TENM3: variants seen among roughly 807,000 people sequenced by gnomAD.
TENM3 encodes the protein teneurin-3.
TENM3 carries 63 observed loss-of-function variants against 255.1 expected under a neutral mutation model. The ratio of observed to expected loss-of-function variants is 0.25; its 90% CI spans 0.20 to 0.30. The LOEUF is 0.30. Among genes scored for constraint, TENM3 ranks in the 10% least tolerant of loss-of-function variants. The probability of loss-of-function intolerance (pLI) is 1.00; values close to 1 mark genes in which losing one functional copy is unlikely to be tolerated. For missense variants in TENM3, 2,929 were observed against 3,461.1 expected (o/e 0.85, Z 3.86); for synonymous variants, 1,306 against 1,322.3 (o/e 0.99, Z 0.27).
chr4:182,001,032 G>A, the TENM3 span, among the ~76,000 whole-genome samples: 1 of 143,534 alleles, frequency 7.0e-6, no homozygotes, highest in Non-Finnish European at 1.5e-5. Flanking sequence ...ATAATTCACG[G>A]AACAGAACAA....
At chr4:181,479,169 T>C in the TENM3 span, among the ~76,000 whole-genome samples, 1 of 152,200 alleles carries the variant, frequency 6.6e-6, no homozygotes, top group African/African-American at 2.4e-5. Flanking sequence ...TTTAATTTAA[T>C]ATGGTTATTT....
chr4:181,708,529 C>A, the TENM3 span, among the ~76,000 whole-genome samples: 2 of 151,330 alleles, frequency 1.3e-5, no homozygotes, highest in Non-Finnish European at 2.9e-5. Flanking sequence ...GGTTGTTTGG[C>A]GTTCTTTGGT....
chr4:181,789,156 A>G, the TENM3 span, among the ~76,000 whole-genome samples: 3 of 152,176 alleles, frequency 2.0e-5, no homozygotes, highest in Admixed American at 2.0e-4. Context: ...CAGAGCTTCT[A>G]AAGTCCTTAG....
intron 3 of TENM3, among the ~76,000 whole-genome samples, chr4:182,582,951 AG>A (rs568541704): frequency 6.6e-6 from 1 of 152,206 alleles, no homozygotes; most frequent in Non-Finnish European, 1.5e-5. Context: ...AATGTCTAGG[AG>A]CAGATAAGTA....
At chr4:182,255,426 G>A (rs1269282979) in intron 1 of TENM3, among the ~76,000 whole-genome samples, 1 of 152,076 alleles carries the variant, frequency 6.6e-6, no homozygotes, top group Non-Finnish European at 1.5e-5. Context: ...CCGCTGTCTC[G>A]TTCACTCCCC....
the TENM3 span, among the ~76,000 whole-genome samples, chr4:181,663,687 G>A: frequency 1.7e-3 from 257 of 152,286 alleles, 1 homozygote; most frequent in African/African-American, 5.8e-3. Context: ...TCTGAGTGAG[G>A]TTTGACACCA....
chr4:181,449,653 G>C, the TENM3 span, among the ~76,000 whole-genome samples: 1 of 152,112 alleles, frequency 6.6e-6, no homozygotes, highest in Non-Finnish European at 1.5e-5. Flanking sequence ...CGGGCATGGT[G>C]GTGGGTGCCT....
At chr4:182,078,426 G>T in the TENM3 span, among the ~76,000 whole-genome samples, 1 of 152,144 alleles carries the variant, frequency 6.6e-6, no homozygotes, top group Non-Finnish European at 1.5e-5. Flanking sequence ...GGAGGCTGAG[G>T]CAGGGGAATC....
intron 3 of TENM3, among the ~76,000 whole-genome samples, chr4:182,460,633 T>C: frequency 6.6e-6 from 1 of 152,186 alleles, no homozygotes; most frequent in African/African-American, 2.4e-5. Context: ...GGATATCTAA[T>C]GTAAACAACA....
chr4:182,025,567 G>A, the TENM3 span, among the ~76,000 whole-genome samples: 82,005 of 152,006 alleles, frequency 0.54, 26,488 homozygotes, highest in South Asian at 0.74. Flanking sequence ...TCATATAGTA[G>A]CTCCATTTTT....
At chr4:182,678,164 C>T (rs1480168709) in intron 7 of TENM3, among the ~76,000 whole-genome samples, 4 of 152,096 alleles carry the variant, frequency 2.6e-5, no homozygotes, top group African/African-American at 9.7e-5. Flanking sequence ...ATCTAAAAAA[C>T]TCCTTGAAAC....
At position 182,690,474 on chromosome 4, in the gene TENM3, A is replaced by G. The variant is rs192953351; in HGVS notation, c.2221+2123A>G. Among the ~76,000 whole-genome samples, 658 of 152,302 alleles carry G rather than the reference A, an allele frequency of 4.3e-3. 2 individuals are homozygous for G. The highest frequency in any genetic ancestry group is 0.015 in the African/African-American group (628 of 41,568). On this transcript the variant is annotated intron_variant, in intron 12 of 27. Transcript: ENST00000511685. ...CCTATATACCAGAGGCAGGGCAGGA[A>G]AACTATACCTCTGATCACATTCCCT...
intron 3 of TENM3, among the ~76,000 whole-genome samples, chr4:182,503,288 C>G (rs1358819281): frequency 6.6e-6 from 1 of 152,140 alleles, no homozygotes; most frequent in African/African-American, 2.4e-5. Flanking sequence ...AACTTCTCTT[C>G]TGCCATTTGT....
At chr4:182,236,686 A>C (rs1756918411) in intron 1 of TENM3, among the ~76,000 whole-genome samples, 1 of 152,248 alleles carries the variant, frequency 6.6e-6, no homozygotes, top group Non-Finnish European at 1.5e-5. Flanking sequence ...TTCTTGATGA[A>C]GTAAAACATA....
chr4:182,341,195 T>C (rs111407705), intron 2 of TENM3, among the ~76,000 whole-genome samples: 115 of 152,240 alleles, frequency 7.6e-4, no homozygotes, highest in Non-Finnish European at 1.4e-3. Context: ...ATCAAGAAAA[T>C]ATATTTGTTT....
At position 182,793,121 on chromosome 4, in the gene TENM3, G is replaced by A. The variant is rs772336198; in HGVS notation, c.6449G>A (p.Arg2150Gln). The part of the protein sequence containing the change: ...TVYLNEKIMW[R>Q]YNYDLNGNLH... ...TACCTCAATGAAAAGATAATGTGGC[G>A]GTACAACTACGATCTGAATGGAAAC... Residue 2150 changes from arginine to glutamine, a missense_variant, in exon 26 of 28, where the codon CGG becomes CAG. By Grantham distance (43) the Arg-to-Gln change is conservative (BLOSUM62 1). Coordinates refer to ENST00000511685, the MANE Select transcript of TENM3 (RefSeq NM_001080477.4). The surrounding 1 kb of genome is among the most constrained non-coding windows in gnomAD (Gnocchi z 5.7). The A allele has an allele frequency of 5.6e-6, 9 of 1,613,772 alleles. No individual in the cohort carries two copies. The highest frequency in any genetic ancestry group is 2.2e-5 in the East Asian group (1 of 44,880).
chr4:182,006,597 T>C, the TENM3 span, among the ~76,000 whole-genome samples: 1 of 152,126 alleles, frequency 6.6e-6, no homozygotes, highest in Non-Finnish European at 1.5e-5. Flanking sequence ...TCTTATTATG[T>C]CTATTTGATT....
the TENM3 span, among the ~76,000 whole-genome samples, chr4:181,850,725 A>C: frequency 0.019 from 2,913 of 152,232 alleles, 44 homozygotes; most frequent in Middle Eastern, 0.048. Context: ...TTAATATTAA[A>C]ATATTCTAAG....
At chr4:181,912,334 A>G in the TENM3 span, among the ~76,000 whole-genome samples, 1 of 152,266 alleles carries the variant, frequency 6.6e-6, no homozygotes, top group Non-Finnish European at 1.5e-5. Flanking sequence ...TCTAGAGAAT[A>G]TGATGAGCAT....
Sources: gnomAD v4.1 joint callset for allele counts (sites outside exome capture counted in the v4.1 genomes callset) on GRCh38, gnomAD v4.1.1 for gene constraint, Gnocchi (gnomAD v3.1) non-coding constraint, MANE v1.5 for transcripts, NCBI Gene and HGNC (gene_info 2026-07-23, HGNC 2026-07-21) for gene names.